TANGO6: variants seen among roughly 807,000 people sequenced by gnomAD.
TANGO6 encodes the protein transport and Golgi organization protein 6 homolog.
A neutral mutation model predicts 114.2 loss-of-function variants in TANGO6; 90 were observed. The observed-to-expected ratio is 0.79, with a 90% CI of 0.66 to 0.94. TANGO6 has a LOEUF of 0.94. Ranked by LOEUF, TANGO6 falls within the 40% of genes least tolerant of loss-of-function variation. The pLI, the probability that TANGO6 is intolerant of heterozygous loss-of-function variation, is 0.00. For missense variants in TANGO6, 1,274 were observed against 1,315.3 expected (o/e 0.97, Z 0.49); for synonymous variants, 477 against 509.8 (o/e 0.94, Z 0.87).
rs150020869 is a variant in TANGO6, at chr16:68,990,856, G to A, written c.2842+16688G>A. On this transcript the variant is annotated intron_variant, in intron 15 of 17. Coordinates refer to ENST00000261778, the MANE Select transcript of TANGO6 (RefSeq NM_024562.2). ...ATGGGAGCCATTGAAAGACTTTAAGGAGGAAAGAAGTAATAATAATTATAT... is the reference window on the plus strand; with the variant it reads ...ATGGGAGCCATTGAAAGACTTTAAGAAGGAAAGAAGTAATAATAATTATAT... Among the ~76,000 whole-genome samples, 293 of 152,304 alleles carry A rather than the reference G, an allele frequency of 1.9e-3. 3 individuals are homozygous for A. The highest frequency in any genetic ancestry group is 3.3e-3 in the Non-Finnish European group (224 of 68,024).
intron 14 of TANGO6, among the ~76,000 whole-genome samples, chr16:68,952,204 C>T (rs1281334365): frequency 1.3e-5 from 2 of 152,154 alleles, no homozygotes; most frequent in African/African-American, 4.8e-5. Context: ...TGGAGCCACC[C>T]TTTCTCTAGT....
intron 16 of TANGO6, among the ~76,000 whole-genome samples, chr16:69,032,987 A>C (rs1959623596): frequency 6.6e-6 from 1 of 151,944 alleles, no homozygotes; most frequent in Admixed American, 6.6e-5. Context: ...GGAGTTCGAG[A>C]CCAGCCTGGT....
At position 69,074,058 on chromosome 16, in the gene TANGO6, G is replaced by A. The variant is rs549824115; in HGVS notation, c.3109-9427G>A. Reference sequence around the variant, plus strand: ...TCAGAAGCTCCCTGAGAAAGCCCAGGAGGTAACTGCCCAGCAGGGACCAGG... The same window carrying A: ...TCAGAAGCTCCCTGAGAAAGCCCAGAAGGTAACTGCCCAGCAGGGACCAGG... On this transcript the variant is annotated intron_variant, in intron 17 of 17. Transcript: ENST00000261778. Among the ~76,000 whole-genome samples, 38 of 152,162 alleles carry A rather than the reference G, an allele frequency of 2.5e-4. No individual in the cohort carries two copies. The East Asian group carries it at 6.4e-3, about 26-fold the overall frequency.
intron 15 of TANGO6, among the ~76,000 whole-genome samples, chr16:69,013,461 A>G (rs1428983473): frequency 6.6e-6 from 1 of 151,930 alleles, no homozygotes; most frequent in African/African-American, 2.4e-5. Context: ...ACAAAAATAT[A>G]CAAAAATCAG....
chr16:68,851,624 A>G (rs528312026), intron 1 of TANGO6, among the ~76,000 whole-genome samples: 1 of 152,206 alleles, frequency 6.6e-6, no homozygotes, highest in Non-Finnish European at 1.5e-5. Flanking sequence ...ACTGCAATGA[A>G]TAGTCTTGTA....
chr16:69,067,868 C>T (rs1440312583), intron 17 of TANGO6, among the ~76,000 whole-genome samples: 13 of 142,538 alleles, frequency 9.1e-5, no homozygotes, highest in African/African-American at 3.1e-4. Context: ...ACCCAGGAGG[C>T]GGAGGTTGTG....
Position 68,886,745 on chromosome 16 carries a change from A to G in TANGO6, c.1377+6115A>G, listed in dbSNP as rs1268668506. ...AGGCTGGTCTTGAACTCCTGACCTC[A>G]GGTGATCCACCTGCCTCAGCCTCCC... is the stretch of plus-strand genomic sequence containing the variant. On this transcript the variant is annotated intron_variant, in intron 7 of 17. Coordinates refer to ENST00000261778, the MANE Select transcript of TANGO6 (RefSeq NM_024562.2). 2.6e-5 allele frequency among the ~76,000 whole-genome samples: 4 copies of G among 152,054 alleles called. 1 individual carries two copies. Among genetic ancestry groups the G allele is most frequent in the South Asian group, 4.1e-4 (2 of 4,830 alleles).
intron 7 of TANGO6, among the ~76,000 whole-genome samples, chr16:68,896,506 A>G (rs541942670): frequency 2.7e-5 from 4 of 150,524 alleles, no homozygotes; most frequent in African/African-American, 4.9e-5. Context: ...AGATGGGTTC[A>G]TGCTATGTTG....
In TANGO6 at chr16:69,018,139, C is replaced by CTTTTTTTTTTTTTTTT. The variant is rs34796579; in HGVS notation, c.2843-4682_2843-4667dup. Among the ~76,000 whole-genome samples, 139 of 77,078 alleles carry CTTTTTTTTTTTTTTTT rather than the reference C, an allele frequency of 1.8e-3. 15 individuals are homozygous for CTTTTTTTTTTTTTTTT. Among genetic ancestry groups the CTTTTTTTTTTTTTTTT allele is most frequent in the African/African-American group, 6.1e-3 (132 of 21,522 alleles). 50.6% of individuals were successfully genotyped at this position (77,078 alleles called of 152,430 possible). A position where few individuals can be genotyped will look rare whatever the true frequency, so the allele number is the denominator to read the frequency against. On this transcript the variant is annotated intron_variant, in intron 15 of 17. Transcript: ENST00000261778. ...CACCATGCCCAGCCGTTGGAAATCT[C>CTTTTTTTTTTTTTTTT]TTTTTTTTTTTTTTTTTTTTTTGAG...
chr16:68,931,335 C>A (rs74025335), intron 14 of TANGO6, among the ~76,000 whole-genome samples: 26,178 of 152,166 alleles, frequency 0.17, 2,518 homozygotes, highest in African/African-American at 0.26. Flanking sequence ...ACTTTGGAAA[C>A]CAGTCTGGCA....
chr16:69,007,061 G>A (rs1255826315), intron 15 of TANGO6: 1 of 152,010 alleles, frequency 6.6e-6, no homozygotes, highest in Non-Finnish European at 1.5e-5. Context: ...TTTGAACATG[G>A]AACATTTCAC....
chr16:69,047,375 G>C (rs1959879696), intron 17 of TANGO6, among the ~76,000 whole-genome samples: 1 of 151,814 alleles, frequency 6.6e-6, no homozygotes, highest in Non-Finnish European at 1.5e-5. Flanking sequence ...GTTGCCTGTA[G>C]TCCTAGCTCC....
At chr16:68,969,419 C>T (rs1189207819) in intron 14 of TANGO6, among the ~76,000 whole-genome samples, 1 of 152,056 alleles carries the variant, frequency 6.6e-6, no homozygotes, top group Non-Finnish European at 1.5e-5. Context: ...TGACTCTCTT[C>T]ACTGCTTGGT....
chr16:68,855,454 C>T lies in TANGO6; in HGVS notation c.95-4430C>T, dbSNP rs565704660. Among the ~76,000 whole-genome samples the T allele has an allele frequency of 1.1e-4, 17 of 150,206 alleles. No homozygotes were observed. The South Asian group carries it at 2.7e-3, about 24-fold the overall frequency. ...GAGATCACCCGGGTGTGGTGGCATG[C>T]GCCTGTAGTCCCAGCTACTGGGGAG... On this transcript the variant is annotated intron_variant, in intron 1 of 17. Transcript: ENST00000261778.
rs1473221130 is a variant in TANGO6 at position 68,862,972 on chromosome 16, T to TCCAGGG, written c.764_769dup (p.Arg256_Gly257insAlaArg). 1 of 1,598,762 alleles carries TCCAGGG rather than the reference T, an allele frequency of 6.3e-7. No homozygotes were observed. The highest frequency in any genetic ancestry group is 1.7e-5 in the Admixed American group (1 of 57,748). On this transcript the variant is annotated inframe_insertion, in exon 3 of 18. Coordinates refer to ENST00000261778, the MANE Select transcript of TANGO6 (RefSeq NM_024562.2). ...TCTAACTGAAGAGGAGAGAACCCTA[T>TCCAGGG]CCAGGGGGGCCTTGAGAGACATGCT...
intron 7 of TANGO6, among the ~76,000 whole-genome samples, chr16:68,897,205 A>C (rs1409042217): frequency 1.3e-5 from 2 of 152,050 alleles, no homozygotes; most frequent in African/African-American, 2.4e-5. Context: ...TGCCCAGCTG[A>C]TAAGTGCTAC....
intron 17 of TANGO6, among the ~76,000 whole-genome samples, chr16:69,075,454 TA>T (rs1207421102): frequency 2.7e-5 from 4 of 150,238 alleles, no homozygotes; most frequent in Non-Finnish European, 5.9e-5. Context: ...ATTCAACTTT[TA>T]TTTTTTTTTT....
chr16:69,080,890 G>T (rs1337893253), intron 17 of TANGO6, among the ~76,000 whole-genome samples: 1 of 152,104 alleles, frequency 6.6e-6, no homozygotes, highest in African/African-American at 2.4e-5. Flanking sequence ...TATAATCCCA[G>T]CACTTTGGGA....
intron 6 of TANGO6, among the ~76,000 whole-genome samples, chr16:68,878,569 C>T (rs1436167620): frequency 6.6e-6 from 1 of 152,104 alleles, no homozygotes; most frequent in African/African-American, 2.4e-5. Flanking sequence ...GACTTAGTTG[C>T]AGACATCACA....
Sources: allele counts gnomAD v4.1 joint callset (sites outside exome capture counted in the v4.1 genomes callset), GRCh38; gene constraint gnomAD v4.1.1; transcripts MANE v1.5; gene names NCBI Gene and HGNC (gene_info 2026-07-23, HGNC 2026-07-21).